Variants in EXOC7 observed in about 807,000 individuals in gnomAD.
EXOC7 encodes exocyst complex component 7.
EXOC7 carries 51 observed loss-of-function variants against 87.6 expected under a neutral mutation model. That is an observed-to-expected ratio of 0.58 (90% CI 0.46 to 0.73). EXOC7 has a LOEUF of 0.73. Among genes scored for constraint, EXOC7 ranks in the 30% least tolerant of loss-of-function variants. The pLI, the probability that EXOC7 is intolerant of heterozygous loss-of-function variation, is 0.00. For synonymous variants in EXOC7, 327 were observed against 357.1 expected (o/e 0.92, Z 0.95); for missense variants, 744 against 888.4 (o/e 0.84, Z 2.07).
chr17:76,084,039 A>G lies in EXOC7; in HGVS notation c.1919T>C (p.Ile640Thr). 3 of 1,605,680 alleles carry G rather than the reference A, an allele frequency of 1.9e-6. No homozygotes were observed. Among genetic ancestry groups the G allele is most frequent in the Non-Finnish European group, 2.5e-6 (3 of 1,176,922 alleles). ...RDRIRQAQKT[I>T]VKETYGAFLQ... ...AAAGGCCCCGTAGGTCTCCTTGACA[A>G]TGGTCTTCTGGGCCTGGCGAATCCT... The change falls in exon 18 of 19, where the codon ATT becomes ACT. Residue 640 changes from isoleucine to threonine, a missense_variant. By Grantham distance (89) the Ile-to-Thr change is moderately conservative. This residue lies in a region of EXOC7 where 228 missense variants were observed against 298.6 expected (regional missense o/e 0.76). Transcript: ENST00000589210.
Position 76,084,240 on chromosome 17 carries a change from C to G in EXOC7, c.1818+8G>C, listed in dbSNP as rs763778468. ...GCAAGCAGTGGAGGGGAGAGGACCC[C>G]GACTCACCTTAAAACGCTCCTTGAT... On this transcript the variant is annotated splice_region_variant and intron_variant, in intron 17 of 18. Coordinates refer to ENST00000589210, the MANE Select transcript of EXOC7 (RefSeq NM_001013839.4). 6.2e-7 allele frequency: 1 copy of G among 1,611,706 alleles called. No individual in the cohort carries two copies. Among genetic ancestry groups the G allele is most frequent in the East Asian group, 2.2e-5 (1 of 44,838 alleles).
At chr17:76,102,853 C>T (rs1172393003) in intron 2 of EXOC7, among the ~76,000 whole-genome samples, 1 of 152,134 alleles carries the variant, frequency 6.6e-6, no homozygotes, top group East Asian at 1.9e-4. Flanking sequence ...TCTGTTTTAG[C>T]AGATGAATTC....
intron 15 of EXOC7, chr17:76,085,112 T>A: frequency 1.7e-6 from 1 of 585,576 alleles, no homozygotes. Flanking sequence ...AAAGTGGCCA[T>A]AGTGGGCCCC....
chr17:76,101,666 C>G lies in EXOC7; in HGVS notation c.311+13G>C. 1.2e-6 allele frequency: 2 copies of G among 1,605,076 alleles called. No individual in the cohort carries two copies. The highest frequency in any genetic ancestry group is 1.7e-6 in the Non-Finnish European group (2 of 1,174,602). ...GGCATTAGGAATTGACCCTCTGGGC[C>G]TCACTCACTCACCCCTCTCTGATGA... On this transcript the variant is annotated intron_variant, in intron 3 of 18. Transcript: ENST00000589210.
At chr17:76,101,153 G>A (rs534869309) in intron 4 of EXOC7, 118 bp downstream of exon 4, 72 of 1,567,916 alleles carry the variant, frequency 4.6e-5, no homozygotes, top group Non-Finnish European at 6.2e-5. Context: ...GATGTACTGT[G>A]CTATATCCTT....
At chr17:76,085,061 T>G (rs1434068284) in intron 15 of EXOC7, 5 of 538,392 alleles carry the variant, frequency 9.3e-6, no homozygotes, top group Non-Finnish European at 1.3e-5. Flanking sequence ...GAGCCAGCTC[T>G]TCAATCATTC....
intron 12 of EXOC7, chr17:76,086,757 T>G: frequency 8.9e-7 from 1 of 1,126,398 alleles, no homozygotes; most frequent in South Asian, 1.4e-5. Flanking sequence ...CCCCTCTGAC[T>G]CAGGCTCCCC....
chr17:76,098,727 G>A (rs1015718480), intron 4 of EXOC7, among the ~76,000 whole-genome samples: 5 of 151,582 alleles, frequency 3.3e-5, no homozygotes, highest in African/African-American at 4.8e-5. Flanking sequence ...TTAGCCGGGC[G>A]TGGTGGTGGG....
chr17:76,081,964 C>G lies in EXOC7; in HGVS notation c.*1684G>C. On this transcript the variant is annotated 3_prime_UTR_variant, in exon 19 of 19. Coordinates refer to ENST00000589210, the MANE Select transcript of EXOC7 (RefSeq NM_001013839.4). ...TGCTGGCTGGGCTGCTGGCCCGGGGCAACCTTGGGGCCAAGAGCGGCCCCA... is the reference window on the plus strand; with the variant it reads ...TGCTGGCTGGGCTGCTGGCCCGGGGGAACCTTGGGGCCAAGAGCGGCCCCA... 6.2e-7 allele frequency: 1 copy of G among 1,612,838 alleles called. No individual in the cohort carries two copies. Among genetic ancestry groups the G allele is most frequent in the Non-Finnish European group, 8.5e-7 (1 of 1,179,850 alleles).
At chr17:76,086,886 C>T (rs2067236365) in intron 12 of EXOC7, 2 of 1,551,286 alleles carry the variant, frequency 1.3e-6, no homozygotes, top group Non-Finnish European at 1.7e-6. Flanking sequence ...GTATGTGTCC[C>T]CAAGAACTAC....
intron 10 of EXOC7, 48 bp downstream of exon 10, chr17:76,088,416 T>C: frequency 1.9e-6 from 3 of 1,566,102 alleles, no homozygotes; most frequent in Non-Finnish European, 2.6e-6. Context: ...GCCAGGTCAC[T>C]GTGGTGCTGG....
At position 76,089,194 on chromosome 17, in the gene EXOC7, GTCT is replaced by G. The variant is rs2067359362; in HGVS notation, c.1025_1027del (p.Lys342del). 4 of 1,613,678 alleles carry G rather than the reference GTCT, an allele frequency of 2.5e-6. No individual in the cohort carries two copies. The highest frequency in any genetic ancestry group is 1.7e-5 in the Admixed American group (1 of 60,010). ...CGGGACCTGTATCAGGGAGTCGAAG[GTCT>G]TCTTCTGGTGGTGCTCGGGGATGAT... On this transcript the variant is annotated inframe_deletion, in exon 8 of 19. Transcript: ENST00000589210.
chr17:76,098,940 G>A (rs1005989293), intron 4 of EXOC7, among the ~76,000 whole-genome samples: 1 of 151,820 alleles, frequency 6.6e-6, no homozygotes, highest in East Asian at 1.9e-4. Flanking sequence ...TTAGTGGGGG[G>A]TTTGCAAAAG....
In EXOC7 at chr17:76,088,099, G is replaced by A. The variant is rs769235049; in HGVS notation, c.1323C>T (p.Asn441=). Residue 441 remains asparagine, a synonymous_variant, in exon 11 of 19, where the codon AAC becomes AAT. Transcript: ENST00000589210. ...NIKNDPDKEY[N]MPKDGTVHEL... ...CGTGTACGGTGCCGTCCTTCGGCAT[G>A]TTGTACTCCTTGTCCGGGTCATTCT... 2.5e-6 allele frequency: 4 copies of A among 1,613,892 alleles called. No homozygotes were observed. The East Asian group carries it at 6.7e-5, about 27-fold the overall frequency.
rs57781252 is a variant in EXOC7 at position 76,097,703 on chromosome 17, CAAAAAAAAAAAAAAAAAA to C, written c.640+75_640+92del. On this transcript the variant is annotated intron_variant, in intron 5 of 18. Transcript: ENST00000589210. Reference sequence around the variant, plus strand: ...TGGGCAACAGAGCAAGACTCCATCTCAAAAAAAAAAAAAAAAAAAAAAAAAAAAGAACAAAGGGGAGAA... The same window carrying C: ...TGGGCAACAGAGCAAGACTCCATCTCAAAAAAAAAAGAACAAAGGGGAGAA... The C allele has an allele frequency of 2.8e-5, 9 of 318,312 alleles. No homozygotes were observed. In the Admixed American group the frequency reaches 3.4e-4, roughly 12 times the overall value. The allele number at this position is 318,312 out of a possible 1,614,324, so 19.7% of individuals were successfully genotyped here.
intron 2 of EXOC7, among the ~76,000 whole-genome samples, chr17:76,102,440 A>G (rs2068114321): frequency 6.6e-6 from 1 of 151,454 alleles, no homozygotes; most frequent in Admixed American, 6.6e-5. Flanking sequence ...ACACACACAC[A>G]CACACACACA....
intron 17 of EXOC7, 41 bp downstream of exon 17, chr17:76,084,207 C>A (rs746315521): frequency 1.2e-6 from 2 of 1,604,958 alleles, no homozygotes; most frequent in South Asian, 2.2e-5. Flanking sequence ...GTTGCCTCAA[C>A]AGCAGCAGCA....
chr17:76,089,280 G>T lies in EXOC7; in HGVS notation c.942C>A (p.Ile314=), dbSNP rs770393798. ...DMLDVETDAY[I]HCVSAFVKLA... is the part of the protein sequence containing the mutation. ...GCTTGACGAAGGCACTGACGCAGTG[G>T]ATGTAGGCATCGGTCTCCACGTCCA... The change falls in exon 8 of 19, where the codon ATC becomes ATA. Residue 314 remains isoleucine (I), a synonymous_variant. Transcript: ENST00000589210. 9 of 1,614,130 alleles carry T rather than the reference G, an allele frequency of 5.6e-6. No individual in the cohort carries two copies. The highest frequency in any genetic ancestry group is 7.6e-6 in the Non-Finnish European group (9 of 1,180,006).
rs555143852 is a variant in EXOC7, at chr17:76,095,520, A to G, written c.641-939T>C. On this transcript the variant is annotated intron_variant, in intron 5 of 18. Coordinates refer to ENST00000589210, the MANE Select transcript of EXOC7 (RefSeq NM_001013839.4). ...TCAACTTGGTAAGGGGTCAAAGAACATGAGCTCTATAGGAAGCAAAAAGAC... is the reference window on the plus strand; with the variant it reads ...TCAACTTGGTAAGGGGTCAAAGAACGTGAGCTCTATAGGAAGCAAAAAGAC... 5.4e-4 allele frequency among the ~76,000 whole-genome samples: 83 copies of G among 152,324 alleles called. 4 individuals carry two copies. The South Asian group carries it at 0.015, about 27-fold the overall frequency.
Sources: gnomAD v4.1 joint callset for allele counts (sites outside exome capture counted in the v4.1 genomes callset) on GRCh38, gnomAD v4.1.1 for gene constraint, gnomAD v4.1.1 regional missense constraint, MANE v1.5 for transcripts, NCBI Gene and HGNC (gene_info 2026-07-23, HGNC 2026-07-21) for gene names.